Variants in ZNF782 observed in about 807,000 individuals in gnomAD.
ZNF782 encodes the protein zinc finger protein 782.
A neutral mutation model predicts 13.0 loss-of-function variants in ZNF782; 12 were observed. The observed-to-expected ratio is 0.92, with a 90% CI of 0.59 to 1.50. The LOEUF is 1.50. ZNF782 is among the 40% of genes most tolerant of loss of function. The probability of loss-of-function intolerance (pLI) is 0.00; values close to 1 mark genes in which losing one functional copy is unlikely to be tolerated. For missense variants in ZNF782, 770 were observed against 822.9 expected (o/e 0.94, Z 0.79); for synonymous variants, 284 against 283.0 (o/e 1.00, Z -0.04).
chr9:96,880,175 ATT>A (rs1000739647), upstream of ZNF782, among the ~76,000 whole-genome samples: 1 of 136,516 alleles, frequency 7.3e-6, no homozygotes, highest in African/African-American at 2.7e-5. Flanking sequence ...TAGTTTTAAG[ATT>A]TTTTTTTTTT....
At chr9:96,875,190 T>A (rs1406116808) in intron 1 of ZNF782, among the ~76,000 whole-genome samples, 6 of 152,214 alleles carry the variant, frequency 3.9e-5, no homozygotes, top group Admixed American at 2.0e-4. Flanking sequence ...TCCTCCAACC[T>A]GAACCTCGGT....
the ZNF782 span, among the ~76,000 whole-genome samples, chr9:96,902,002 A>G: frequency 2.0e-5 from 3 of 152,030 alleles, no homozygotes; most frequent in African/African-American, 7.2e-5. Flanking sequence ...CCTAAAACCA[A>G]TCATAAGAAG....
the ZNF782 span, chr9:96,929,180 G>C: frequency 7.2e-7 from 1 of 1,387,122 alleles, no homozygotes; most frequent in African/African-American, 1.4e-5. Flanking sequence ...ATCACACCTG[G>C]GGATGGCCAT....
chr9:96,888,904 G>A, the ZNF782 span: 8 of 152,242 alleles, frequency 5.3e-5, no homozygotes, highest in African/African-American at 1.9e-4. Context: ...GGAACACATA[G>A]ATGCCACATA....
Position 96,848,269 on chromosome 9 carries a change from G to A in ZNF782, c.16-3253C>T, listed in dbSNP as rs1167503063. ...GAACAGAAACAAGACAAGGATGCCC[G>A]CTTTCACCACTCCTGTTCAACATAG... is the stretch of plus-strand genomic sequence containing the variant. On this transcript the variant is annotated intron_variant, in intron 3 of 5. Transcript: ENST00000481138. Among the ~76,000 whole-genome samples, 7 of 152,210 alleles carry A rather than the reference G, an allele frequency of 4.6e-5. No homozygotes were observed. In the South Asian group the frequency reaches 6.2e-4, roughly 14 times the overall value.
At position 96,820,557 on chromosome 9, in the gene ZNF782, TTC is replaced by T. The variant is rs200498459; in HGVS notation, c.245-781_245-780del. ...AATAGTGAATCTTTTTTTTTTTTTT[TTC>T]TTTTTTTTGAGATAGAGTCTTGCTC... On this transcript the variant is annotated intron_variant, in intron 5 of 5. Transcript: ENST00000481138. 0.02 allele frequency among the ~76,000 whole-genome samples: 3,030 copies of T among 149,168 alleles called. 161 individuals are homozygous for T. The East Asian group carries it at 0.23, about 11-fold the overall frequency.
At chr9:96,878,615 A>G (rs7023776), upstream of ZNF782, among the ~76,000 whole-genome samples, 12,129 of 152,242 alleles carry the variant, frequency 0.08, 1,476 homozygotes, top group African/African-American at 0.26. Flanking sequence ...GAGTTATCTG[A>G]TCAGGCTATA....
chr9:96,869,435 C>G (rs760558465), intron 1 of ZNF782, among the ~76,000 whole-genome samples: 1 of 152,054 alleles, frequency 6.6e-6, no homozygotes, highest in Non-Finnish European at 1.5e-5. Context: ...ATTTAGTTTG[C>G]AAATTTATAT....
At chr9:96,932,959 CTTTCT>C in the ZNF782 span, among the ~76,000 whole-genome samples, 138 of 148,972 alleles carry the variant, frequency 9.3e-4, 1 homozygote, top group East Asian at 3.6e-3. Context: ...CCAATACTTA[CTTTCT>C]TTTCTTTTCT....
chr9:96,889,745 T>A, the ZNF782 span: 1 of 152,208 alleles, frequency 6.6e-6, no homozygotes, highest in Admixed American at 6.5e-5. Flanking sequence ...TTCATCTTTA[T>A]CCTGTACTTG....
At chr9:96,878,802 A>C (rs1027717774), upstream of ZNF782, among the ~76,000 whole-genome samples, 4 of 152,192 alleles carry the variant, frequency 2.6e-5, no homozygotes, top group Non-Finnish European at 5.9e-5. Flanking sequence ...CAAGAGCCAA[A>C]ATGATAGAAT....
intron 5 of ZNF782, among the ~76,000 whole-genome samples, chr9:96,823,011 T>A (rs1329841588): frequency 6.6e-6 from 1 of 152,218 alleles, no homozygotes; most frequent in African/African-American, 2.4e-5. Context: ...AAAGGGTTCA[T>A]TCTGTTTCCA....
intron 5 of ZNF782, among the ~76,000 whole-genome samples, chr9:96,826,472 C>A (rs1001663481): frequency 6.6e-6 from 1 of 152,102 alleles, no homozygotes; most frequent in Non-Finnish European, 1.5e-5. Flanking sequence ...GTGGGTGCAG[C>A]GCACCAGCAT....
chr9:96,887,284 A>AG, the ZNF782 span: 3 of 139,740 alleles, frequency 2.1e-5, no homozygotes, highest in South Asian at 4.8e-4. Flanking sequence ...ATTGCAAAAA[A>AG]GAAAGGAAGG....
intron 4 of ZNF782, among the ~76,000 whole-genome samples, chr9:96,833,983 G>T (rs1210671904): frequency 1.3e-5 from 2 of 152,102 alleles, no homozygotes; most frequent in Non-Finnish European, 2.9e-5. Context: ...TATGGTTTGG[G>T]TATGGTTTGT....
At chr9:96,856,319 A>G (rs1395942947), upstream of ZNF782, among the ~76,000 whole-genome samples, 1 of 152,220 alleles carries the variant, frequency 6.6e-6, no homozygotes, top group African/African-American at 2.4e-5. Context: ...AACAAAAGGA[A>G]AAAAGTTTAT....
At chr9:96,871,701 C>T (rs575669817) in intron 1 of ZNF782, among the ~76,000 whole-genome samples, 1 of 152,186 alleles carries the variant, frequency 6.6e-6, no homozygotes, top group Admixed American at 6.5e-5. Flanking sequence ...CATACTGAGA[C>T]CCTGTCACTC....
intron 4 of ZNF782, among the ~76,000 whole-genome samples, chr9:96,838,207 A>G (rs994023729): frequency 2.6e-5 from 4 of 152,044 alleles, no homozygotes; most frequent in African/African-American, 9.7e-5. Flanking sequence ...ATCTTTCTGT[A>G]TTTGATTTCT....
intron 1 of ZNF782, among the ~76,000 whole-genome samples, chr9:96,861,852 G>C (rs1028802398): frequency 1.3e-5 from 2 of 152,182 alleles, no homozygotes; most frequent in African/African-American, 4.8e-5. Context: ...AGAACAGTTT[G>C]GAGGTTCTCA....
Sources: allele counts gnomAD v4.1 joint callset (sites outside exome capture counted in the v4.1 genomes callset), GRCh38; gene constraint gnomAD v4.1.1; transcripts MANE v1.5; gene names NCBI Gene and HGNC (gene_info 2026-07-23, HGNC 2026-07-21).